CNTNAP2: variants seen among roughly 807,000 people sequenced by gnomAD.
The protein encoded by CNTNAP2 is contactin associated protein 2, also known as contactin-associated protein-like 2.
Under a neutral mutation model 155.2 loss-of-function variants are expected in CNTNAP2, and 98 were observed. That is an observed-to-expected ratio of 0.63 (90% CI 0.54 to 0.75). The LOEUF is 0.75. Among genes scored for constraint, CNTNAP2 ranks in the 30% least tolerant of loss-of-function variants. The probability of loss-of-function intolerance (pLI) is 0.00; values close to 1 mark genes in which losing one functional copy is unlikely to be tolerated. For synonymous variants in CNTNAP2, 651 were observed against 631.2 expected, an observed-to-expected ratio of 1.03 and a Z score of -0.47; for missense variants, 1,727 against 1,688.1, an observed-to-expected ratio of 1.02 and a Z score of -0.40.
chr7:148,022,460 C>T (rs1331575902), intron 15 of CNTNAP2, among the ~76,000 whole-genome samples: 2 of 112,346 alleles, frequency 1.8e-5, no homozygotes, highest in African/African-American at 8.0e-5. Flanking sequence ...CAGAGGGAGA[C>T]TCCGTCTCAA....
intron 4 of CNTNAP2, among the ~76,000 whole-genome samples, chr7:147,057,549 G>A (rs2129261132): frequency 6.6e-6 from 1 of 152,266 alleles, no homozygotes; most frequent in African/African-American, 2.4e-5. Context: ...GGCTTTGGAG[G>A]AAAGGGCTGT....
intron 21 of CNTNAP2, among the ~76,000 whole-genome samples, chr7:148,348,522 C>T (rs1225112944): frequency 6.6e-6 from 1 of 152,170 alleles, no homozygotes; most frequent in Non-Finnish European, 1.5e-5. Flanking sequence ...TGGAGCTCAT[C>T]GCCCTATGAG....
At chr7:146,455,717 T>A (rs2129123299) in intron 1 of CNTNAP2, among the ~76,000 whole-genome samples, 1 of 152,360 alleles carries the variant, frequency 6.6e-6, no homozygotes, top group African/African-American at 2.4e-5. Context: ...TCCAGCTTAT[T>A]ATTTTTCCTG....
intron 2 of CNTNAP2, among the ~76,000 whole-genome samples, chr7:146,833,488 T>C (rs995736012): frequency 5.3e-5 from 8 of 152,158 alleles, no homozygotes; most frequent in African/African-American, 1.9e-4. Context: ...GTACCTTACA[T>C]TACTCGCCCG....
At chr7:147,229,905 A>C (rs1803638883) in intron 8 of CNTNAP2, among the ~76,000 whole-genome samples, 1 of 152,216 alleles carries the variant, frequency 6.6e-6, no homozygotes, top group African/African-American at 2.4e-5. Flanking sequence ...TGTGGCTTAA[A>C]ACCATCTTTC....
intron 11 of CNTNAP2, among the ~76,000 whole-genome samples, chr7:147,526,129 T>C (rs1334040939): frequency 1.4e-5 from 2 of 146,548 alleles, no homozygotes; most frequent in Admixed American, 1.4e-4. Flanking sequence ...GAGGAGGAGG[T>C]TGAAGTGAGC....
intron 15 of CNTNAP2, among the ~76,000 whole-genome samples, chr7:148,067,364 T>C (rs1585107819): frequency 6.6e-6 from 1 of 152,182 alleles, no homozygotes; most frequent in East Asian, 1.9e-4. Context: ...GTGATTGTTA[T>C]TGCTTTTCTA....
chr7:147,930,860 G>A (rs754054662), intron 14 of CNTNAP2, among the ~76,000 whole-genome samples: 20 of 151,996 alleles, frequency 1.3e-4, no homozygotes, highest in Non-Finnish European at 2.6e-4. Flanking sequence ...GATCACAATG[G>A]AATGAAATCA....
intron 3 of CNTNAP2, among the ~76,000 whole-genome samples, chr7:146,932,417 G>C (rs1314642051): frequency 6.6e-6 from 1 of 151,740 alleles, no homozygotes; most frequent in East Asian, 1.9e-4. Flanking sequence ...CAATAAATTA[G>C]GTATTGATGG....
Position 147,043,904 on chromosome 7 carries a change from C to T in CNTNAP2, c.403-3C>T. 6.2e-7 allele frequency: 1 copy of T among 1,614,056 alleles called. No homozygotes were observed. Among genetic ancestry groups the T allele is most frequent in the Non-Finnish European group, 8.5e-7 (1 of 1,179,962 alleles). On this transcript the variant is annotated splice_polypyrimidine_tract_variant and splice_region_variant and intron_variant, in intron 3 of 23. Coordinates refer to ENST00000361727, the MANE Select transcript of CNTNAP2 (RefSeq NM_014141.6). ...ATTTTTAAAATACTATTTCCTTTTC[C>T]AGGCATTTCCCGGAAACATTAACTC... is the stretch of plus-strand genomic sequence containing the variant.
chr7:147,276,461 C>G (rs1804898730), intron 8 of CNTNAP2, among the ~76,000 whole-genome samples: 1 of 151,982 alleles, frequency 6.6e-6, no homozygotes, highest in Non-Finnish European at 1.5e-5. Context: ...TCTCTTTATT[C>G]CTGGTACAGT....
At chr7:147,555,104 A>G (rs1022763232) in intron 11 of CNTNAP2, among the ~76,000 whole-genome samples, 1 of 152,196 alleles carries the variant, frequency 6.6e-6, no homozygotes, top group African/African-American at 2.4e-5. Flanking sequence ...AACCAAATTC[A>G]CTAGAGTCTG....
At chr7:146,928,786 C>A (rs1363144375) in intron 3 of CNTNAP2, among the ~76,000 whole-genome samples, 1 of 152,206 alleles carries the variant, frequency 6.6e-6, no homozygotes, top group Non-Finnish European at 1.5e-5. Flanking sequence ...GAGATTATAT[C>A]CCGCACCTGG....
At chr7:146,892,162 C>T (rs572634045) in intron 3 of CNTNAP2, among the ~76,000 whole-genome samples, 21 of 152,288 alleles carry the variant, frequency 1.4e-4, no homozygotes, top group African/African-American at 3.8e-4. Context: ...TCTTCCAAGA[C>T]GGCCCACTCA....
chr7:146,753,173 T>G (rs758021594), intron 1 of CNTNAP2, among the ~76,000 whole-genome samples: 1 of 152,180 alleles, frequency 6.6e-6, no homozygotes, highest in Non-Finnish European at 1.5e-5. Flanking sequence ...TATTTACACT[T>G]TAATAAATAC....
At chr7:146,170,348 A>C (rs997869153) in intron 1 of CNTNAP2, among the ~76,000 whole-genome samples, 1 of 152,094 alleles carries the variant, frequency 6.6e-6, no homozygotes, top group African/African-American at 2.4e-5. Flanking sequence ...ATTTCTGATG[A>C]AACTTTGCAG....
chr7:147,078,402 T>C (rs12666908), intron 4 of CNTNAP2, among the ~76,000 whole-genome samples: 83,911 of 152,078 alleles, frequency 0.55, 26,224 homozygotes, highest in East Asian at 0.74. Context: ...ATTCATCCTA[T>C]AAACTGCATA....
chr7:147,740,415 G>T (rs1311020394), intron 13 of CNTNAP2, among the ~76,000 whole-genome samples: 1 of 152,182 alleles, frequency 6.6e-6, no homozygotes, highest in Non-Finnish European at 1.5e-5. Flanking sequence ...CCCTGCTACA[G>T]CTCGTTCGCT....
intron 1 of CNTNAP2, among the ~76,000 whole-genome samples, chr7:146,513,225 TA>T (rs1044146315): frequency 1.3e-5 from 2 of 151,974 alleles, no homozygotes. Flanking sequence ...TATAGTTATA[TA>T]ATTGGATCTT....
Sources: allele counts gnomAD v4.1 joint callset (sites outside exome capture counted in the v4.1 genomes callset), GRCh38; gene constraint gnomAD v4.1.1; transcripts MANE v1.5; gene names NCBI Gene and HGNC (gene_info 2026-07-23, HGNC 2026-07-21).